Variants in MDGA2 observed in about 807,000 individuals in gnomAD.
The protein encoded by MDGA2 is MAM domain containing glycosylphosphatidylinositol anchor 2.
Under a neutral mutation model 117.8 loss-of-function variants are expected in MDGA2, and 40 were observed. The ratio of observed to expected loss-of-function variants is 0.34; its 90% confidence interval spans 0.26 to 0.44. The LOEUF is 0.44. MDGA2 is among the 20% of genes least tolerant of loss of function. The pLI is 1.00. For synonymous variants in MDGA2, 452 were observed against 439.0 expected (o/e 1.03, Z -0.37); for missense variants, 1,123 against 1,250.6 (o/e 0.90, Z 1.54).
intron 1 of MDGA2, among the ~76,000 whole-genome samples, chr14:47,440,056 C>T (rs1248123957): frequency 6.6e-6 from 1 of 152,036 alleles, no homozygotes; most frequent in Non-Finnish European, 1.5e-5. Flanking sequence ...CAGCAGAAAC[C>T]TGCAGGAGTA....
At chr14:47,491,276 G>A (rs1205454178) in intron 1 of MDGA2, among the ~76,000 whole-genome samples, 1 of 152,028 alleles carries the variant, frequency 6.6e-6, no homozygotes, top group Non-Finnish European at 1.5e-5. Context: ...GAGCACAACT[G>A]GCCCTAAAAC....
chr14:47,322,906 G>A (rs1393841760), intron 1 of MDGA2, among the ~76,000 whole-genome samples: 3 of 151,628 alleles, frequency 2.0e-5, no homozygotes, highest in Non-Finnish European at 2.9e-5. Flanking sequence ...AACTGGAATC[G>A]CCACTACCAT....
chr14:47,096,016 T>G (rs1879947175), intron 6 of MDGA2, among the ~76,000 whole-genome samples: 1 of 151,972 alleles, frequency 6.6e-6, no homozygotes, highest in South Asian at 2.1e-4. Context: ...ATGGTCTCTT[T>G]GTACATCTGC....
At chr14:47,301,995 G>T (rs746226231) in intron 1 of MDGA2, among the ~76,000 whole-genome samples, 1 of 152,142 alleles carries the variant, frequency 6.6e-6, no homozygotes, top group Non-Finnish European at 1.5e-5. Context: ...GTCATGTAGC[G>T]CGCAAGTTAA....
At chr14:47,147,176 TATA>T (rs546131005) in intron 3 of MDGA2, among the ~76,000 whole-genome samples, 265 of 150,650 alleles carry the variant, frequency 1.8e-3, no homozygotes, top group African/African-American at 6.1e-3. Context: ...TACTTATATA[TATA>T]ATAATATATA....
Position 46,884,462 on chromosome 14 carries a change from A to G in MDGA2, c.2239-2241T>C, listed in dbSNP as rs1482761689. 6.6e-6 allele frequency among the ~76,000 whole-genome samples: 1 copy of G among 152,160 alleles called. No homozygotes were observed. Among genetic ancestry groups the G allele is most frequent in the Admixed American group, 6.6e-5 (1 of 15,254 alleles). ...ACATAATATGCACATATGTTCACAT[A>G]TATGCACATACTATATGTTCATAAG... On this transcript the variant is annotated intron_variant, in intron 10 of 16. Coordinates refer to ENST00000399232, the MANE Select transcript of MDGA2 (RefSeq NM_001113498.3). This position sits in a 1 kb window ranked among gnomAD's most constrained non-coding sequence, Gnocchi z 4.1.
chr14:47,324,291 A>C (rs184170866), intron 1 of MDGA2, among the ~76,000 whole-genome samples: 1 of 152,270 alleles, frequency 6.6e-6, no homozygotes, highest in East Asian at 1.9e-4. Context: ...TATAAAAAAC[A>C]GTTTTTATTT....
At chr14:47,146,813 C>T (rs1176209376) in intron 3 of MDGA2, among the ~76,000 whole-genome samples, 1 of 152,112 alleles carries the variant, frequency 6.6e-6, no homozygotes, top group Non-Finnish European at 1.5e-5. Context: ...CTTTCCAACA[C>T]CCATTTCTTG....
chr14:47,633,319 A>G (rs544713194), intron 1 of MDGA2, among the ~76,000 whole-genome samples: 4 of 152,174 alleles, frequency 2.6e-5, no homozygotes, highest in Non-Finnish European at 5.9e-5. Context: ...CACCAGTTAA[A>G]CCTTAGTTCA....
At chr14:47,433,909 A>C (rs1005280388) in intron 1 of MDGA2, among the ~76,000 whole-genome samples, 1 of 152,130 alleles carries the variant, frequency 6.6e-6, no homozygotes, top group Non-Finnish European at 1.5e-5. Context: ...GTCATTGTAA[A>C]GTTTTGCATG....
intron 1 of MDGA2, among the ~76,000 whole-genome samples, chr14:47,661,801 G>T (rs1292151393): frequency 7.2e-6 from 1 of 139,102 alleles, no homozygotes; most frequent in Admixed American, 7.8e-5. Context: ...GCCCAGGATG[G>T]AGTGCAGTGG....
chr14:47,157,016 A>C (rs752876911), intron 3 of MDGA2, among the ~76,000 whole-genome samples: 1 of 152,216 alleles, frequency 6.6e-6, no homozygotes, highest in Non-Finnish European at 1.5e-5. Context: ...TATACAAAAG[A>C]GAAATTAAAT....
chr14:46,851,477 T>C (rs1881054042), intron 15 of MDGA2, among the ~76,000 whole-genome samples: 1 of 151,864 alleles, frequency 6.6e-6, no homozygotes, highest in African/African-American at 2.4e-5. Flanking sequence ...CCAACATAAA[T>C]TTCAATAGAA....
chr14:47,151,219 C>T (rs1286982446), intron 3 of MDGA2, among the ~76,000 whole-genome samples: 2 of 152,188 alleles, frequency 1.3e-5, no homozygotes, highest in Non-Finnish European at 2.9e-5. Context: ...CCAAATAGGT[C>T]AGATGGAGCT....
At chr14:47,032,906 T>C (rs891644725) in intron 8 of MDGA2, among the ~76,000 whole-genome samples, 5 of 152,204 alleles carry the variant, frequency 3.3e-5, no homozygotes, top group African/African-American at 1.2e-4. Flanking sequence ...CTGCATCCAG[T>C]TGCCTTCCTG....
At chr14:47,079,633 T>C (rs1035246145) in intron 6 of MDGA2, among the ~76,000 whole-genome samples, 10 of 152,014 alleles carry the variant, frequency 6.6e-5, no homozygotes, top group Admixed American at 2.0e-4. Context: ...CAAATGTCAG[T>C]AGTTATGTGG....
In MDGA2 at chr14:47,096,996, C is replaced by A; in HGVS notation, c.1053G>T (p.Gly351=). ...TCAAAACAGTCTTTTCAGGCAGAGT[C>A]CCAAAGGACCTGACCCAGGTGAGAG... ...APSLTWVRSF[G]TLPEKTVLNG... is the part of the protein sequence containing the mutation. The change falls in exon 6 of 17, where the codon GGG becomes GGT. Residue 351 remains glycine, a synonymous_variant. Transcript: ENST00000399232. The A allele has an allele frequency of 6.2e-7, 1 of 1,613,316 alleles. No homozygotes were observed.
intron 3 of MDGA2, among the ~76,000 whole-genome samples, chr14:47,214,454 T>C (rs1035930605): frequency 2.6e-5 from 4 of 152,140 alleles, no homozygotes; most frequent in African/African-American, 9.7e-5. Flanking sequence ...GGAACATGAT[T>C]ATAATAATTT....
intron 1 of MDGA2, among the ~76,000 whole-genome samples, chr14:47,570,442 CAT>C (rs1172684789): frequency 5.9e-5 from 9 of 152,232 alleles, no homozygotes; most frequent in African/African-American, 7.2e-5. Context: ...TCAGTATACT[CAT>C]GTGCAAAATG....
Sources: allele counts gnomAD v4.1 joint callset (sites outside exome capture counted in the v4.1 genomes callset), GRCh38; gene constraint gnomAD v4.1.1; non-coding constraint Gnocchi (gnomAD v3.1); transcripts MANE v1.5; gene names NCBI Gene and HGNC (gene_info 2026-07-23, HGNC 2026-07-21).